Variants in MAN1C1 observed in about 807,000 individuals in gnomAD.
MAN1C1 encodes the protein mannosidase alpha class 1C member 1, also known as mannosyl-oligosaccharide 1,2-alpha-mannosidase IC.
Under a neutral mutation model 71.5 loss-of-function variants are expected in MAN1C1, and 49 were observed. That is an observed-to-expected ratio of 0.69 (90% CI 0.54 to 0.87). MAN1C1 has a LOEUF of 0.87. MAN1C1 is among the 40% of genes least tolerant of loss of function. The probability of loss-of-function intolerance (pLI) is 0.00; values close to 1 mark genes in which losing one functional copy is unlikely to be tolerated. For synonymous variants in MAN1C1, 352 were observed against 343.7 expected, an observed-to-expected ratio of 1.02 and a Z score of -0.27; for missense variants, 743 against 835.0, an observed-to-expected ratio of 0.89 and a Z score of 1.36.
At chr1:25,781,170 C>T (rs2047688738) in intron 10 of MAN1C1, 58 bp downstream of exon 10, 1 of 1,583,570 alleles carries the variant, frequency 6.3e-7, no homozygotes, top group Middle Eastern at 1.7e-4. Flanking sequence ...AATTTACAGG[C>T]TGGGTGCTAG....
At chr1:25,628,014 T>A (rs573774031) in intron 1 of MAN1C1, among the ~76,000 whole-genome samples, 1 of 152,240 alleles carries the variant, frequency 6.6e-6, no homozygotes, top group African/African-American at 2.4e-5. Flanking sequence ...AACACTGTAC[T>A]CCAGCCTGGG....
intron 1 of MAN1C1, among the ~76,000 whole-genome samples, chr1:25,628,354 C>A (rs1346002768): frequency 6.6e-6 from 1 of 152,050 alleles, no homozygotes; most frequent in Admixed American, 6.5e-5. Context: ...GTTGCCCAGG[C>A]TGGAGTTCAA....
At chr1:25,772,832 T>C (rs956611239) in intron 8 of MAN1C1, among the ~76,000 whole-genome samples, 1 of 152,192 alleles carries the variant, frequency 6.6e-6, no homozygotes, top group Non-Finnish European at 1.5e-5. Flanking sequence ...CTGTGCTCTC[T>C]GGGCCCTGGG....
chr1:25,689,602 G>A (rs1449136607), intron 2 of MAN1C1, among the ~76,000 whole-genome samples: 2 of 152,158 alleles, frequency 1.3e-5, no homozygotes, highest in African/African-American at 4.8e-5. Context: ...AACCCATGAG[G>A]GGCATTGAAG....
At chr1:25,705,095 G>C (rs918284815) in intron 2 of MAN1C1, among the ~76,000 whole-genome samples, 4 of 152,014 alleles carry the variant, frequency 2.6e-5, no homozygotes, top group African/African-American at 7.2e-5. Context: ...AAAATTACTC[G>C]ATCCGTTTTT....
At chr1:25,759,526 G>C (rs1163516247) in intron 6 of MAN1C1, 1 of 152,112 alleles carries the variant, frequency 6.6e-6, no homozygotes, top group East Asian at 1.9e-4. Context: ...ACCAGTATGG[G>C]AGCTGGGAGA....
chr1:25,721,599 T>C (rs770246581), intron 2 of MAN1C1, among the ~76,000 whole-genome samples: 2 of 152,252 alleles, frequency 1.3e-5, no homozygotes, highest in Non-Finnish European at 2.9e-5. Context: ...ATTGCTAGTA[T>C]ATAAAATTAC....
chr1:25,621,710 G>A lies in MAN1C1; in HGVS notation c.540+3373G>A, dbSNP rs150844080. ...GTGGTCTTGGCTCACTGCAGCCTCC[G>A]CCTCCCAGGTTCCAGGTTCAAGCGA... On this transcript the variant is annotated intron_variant, in intron 1 of 11. Coordinates refer to ENST00000374332, the MANE Select transcript of MAN1C1 (RefSeq NM_020379.4). 3.0e-3 allele frequency among the ~76,000 whole-genome samples: 451 copies of A among 151,880 alleles called. 4 individuals carry two copies. Among genetic ancestry groups the A allele is most frequent in the African/African-American group, 0.01 (434 of 41,422 alleles).
chr1:25,748,793 T>C (rs2047172705), intron 3 of MAN1C1, among the ~76,000 whole-genome samples: 2 of 152,214 alleles, frequency 1.3e-5, no homozygotes, highest in African/African-American at 4.8e-5. Context: ...CCCTCCTTCT[T>C]AGCCCCAGCC....
At chr1:25,707,935 G>A (rs1013827864) in intron 2 of MAN1C1, among the ~76,000 whole-genome samples, 1 of 152,192 alleles carries the variant, frequency 6.6e-6, no homozygotes, top group African/African-American at 2.4e-5. Flanking sequence ...TGGACCCCCA[G>A]GATGGACCCT....
chr1:25,719,134 G>A (rs1158243634), intron 2 of MAN1C1, among the ~76,000 whole-genome samples: 1 of 148,976 alleles, frequency 6.7e-6, no homozygotes, highest in African/African-American at 2.4e-5. Flanking sequence ...CTGCAGTGGC[G>A]CGATCTTGGC....
Position 25,618,243 on chromosome 1 carries a change from G to T in MAN1C1, c.446G>T (p.Arg149Leu). The T allele has an allele frequency of 6.2e-7, 1 of 1,602,434 alleles. No homozygotes were observed. Among genetic ancestry groups the T allele is most frequent in the South Asian group, 1.1e-5 (1 of 88,974 alleles). ...VPFRFDFNAF[R>L]SRLRHPVLGT... ...TTCCGCTTTGACTTCAACGCATTCC[G>T]GAGCCGTCTCCGCCACCCGGTCCTG... The change falls in exon 1 of 12, where the codon CGG (arginine) becomes CTG (leucine). Residue 149 changes from arginine to leucine, a missense_variant. Physicochemically the swap from Arg to Leu is moderately radical, Grantham distance 102. Coordinates refer to ENST00000374332, the MANE Select transcript of MAN1C1 (RefSeq NM_020379.4).
In MAN1C1 at chr1:25,725,402, C is replaced by T. The variant is rs192639670; in HGVS notation, c.638-21266C>T. 1.1e-4 allele frequency among the ~76,000 whole-genome samples: 17 copies of T among 152,296 alleles called. No individual in the cohort carries two copies. The highest frequency in any genetic ancestry group is 6.2e-4 in the South Asian group (3 of 4,820). ...ACGTAATTATGTGGTCAAAGTGCTACGGGAATACAGAGGAAGGAGCCACTG... is the reference window on the plus strand; with the variant it reads ...ACGTAATTATGTGGTCAAAGTGCTATGGGAATACAGAGGAAGGAGCCACTG... On this transcript the variant is annotated intron_variant, in intron 2 of 11. Transcript: ENST00000374332. This position sits in a 1 kb window ranked among gnomAD's most constrained non-coding sequence, Gnocchi z 4.8.
chr1:25,768,441 TCA>T (rs766743745), intron 7 of MAN1C1, among the ~76,000 whole-genome samples: 6 of 53,304 alleles, frequency 1.1e-4, no homozygotes, highest in Non-Finnish European at 1.5e-4. Context: ...CACACTCCCC[TCA>T]CACACATCCA....
intron 2 of MAN1C1, among the ~76,000 whole-genome samples, chr1:25,692,941 C>T (rs561512999): frequency 1.3e-5 from 2 of 152,238 alleles, no homozygotes; most frequent in South Asian, 2.1e-4. Flanking sequence ...ATCTTTTATG[C>T]GTGCCTAATA....
At chr1:25,714,503 A>T (rs2046653986) in intron 2 of MAN1C1, among the ~76,000 whole-genome samples, 1 of 152,170 alleles carries the variant, frequency 6.6e-6, no homozygotes, top group Non-Finnish European at 1.5e-5. Flanking sequence ...ATCCTCAAGC[A>T]TTGATTTTTG....
chr1:25,750,385 A>G (rs1260449244), intron 4 of MAN1C1, among the ~76,000 whole-genome samples: 5 of 152,018 alleles, frequency 3.3e-5, no homozygotes, highest in Non-Finnish European at 5.9e-5. Context: ...GTTCCCCATT[A>G]CTCAGAGAGG....
Position 25,779,561 on chromosome 1 carries a change from A to C in MAN1C1, c.1477+1237A>C, listed in dbSNP as rs766173408. 2.0e-5 allele frequency among the ~76,000 whole-genome samples: 3 copies of C among 152,236 alleles called. No homozygotes were observed. The highest frequency in any genetic ancestry group is 4.8e-5 in the African/African-American group (2 of 41,462). The stretch of plus-strand genomic sequence containing the variant: ...TCTCAGGACTAATAAAAGGCTCGCT[A>C]TTTGTCTGAGACAATCAGCCCAGAC... On this transcript the variant is annotated intron_variant, in intron 9 of 11. Coordinates refer to ENST00000374332, the MANE Select transcript of MAN1C1 (RefSeq NM_020379.4). This position sits in a 1 kb window ranked among gnomAD's most constrained non-coding sequence, Gnocchi z 4.6.
intron 5 of MAN1C1, among the ~76,000 whole-genome samples, chr1:25,754,939 CTG>C (rs2047265976): frequency 6.6e-6 from 1 of 152,234 alleles, no homozygotes; most frequent in South Asian, 2.1e-4. Context: ...GTAAGAAAGT[CTG>C]TTGCTAAAAA....
Sources: gnomAD v4.1 joint callset for allele counts (sites outside exome capture counted in the v4.1 genomes callset) on GRCh38, gnomAD v4.1.1 for gene constraint, Gnocchi (gnomAD v3.1) non-coding constraint, MANE v1.5 for transcripts, NCBI Gene and HGNC (gene_info 2026-07-23, HGNC 2026-07-21) for gene names.